The following NKAIN3 variants were observed in gnomAD, a reference collection of about 807,000 sequenced individuals.
NKAIN3 encodes the protein sodium/potassium transporting ATPase interacting 3.
NKAIN3 carries 25 observed loss-of-function variants against 30.2 expected under a neutral mutation model. The ratio of observed to expected loss-of-function variants is 0.83; its 90% CI spans 0.60 to 1.16. NKAIN3 has a LOEUF of 1.16. Ranked by LOEUF, NKAIN3 falls within the 50% of genes most tolerant of loss-of-function variation. The pLI is 0.00. For synonymous variants in NKAIN3, 91 were observed against 89.6 expected, an observed-to-expected ratio of 1.02 and a Z score of -0.09; for missense variants, 225 against 254.1, an observed-to-expected ratio of 0.89 and a Z score of 0.78.
At chr8:62,345,496 C>CATATGT (rs796865483) in intron 1 of NKAIN3, among the ~76,000 whole-genome samples, 106,562 of 117,336 alleles carry the variant, frequency 0.91, 48,761 homozygotes, top group Non-Finnish European at 0.94. Flanking sequence ...TATATACACA[C>CATATGT]ATATATACAC....
intron 1 of NKAIN3, among the ~76,000 whole-genome samples, chr8:62,311,848 C>G (rs1255129967): frequency 1.3e-5 from 2 of 150,242 alleles, no homozygotes; most frequent in Non-Finnish European, 2.9e-5. Flanking sequence ...ACTCTAAATT[C>G]CATTCTCCCA....
chr8:62,692,315 A>T (rs941009938), intron 3 of NKAIN3, among the ~76,000 whole-genome samples: 21 of 152,242 alleles, frequency 1.4e-4, no homozygotes, highest in African/African-American at 4.8e-4. Context: ...AACTTCAAAG[A>T]TAAGTAGAAG....
intron 4 of NKAIN3, among the ~76,000 whole-genome samples, chr8:62,888,232 T>C (rs973187499): frequency 6.6e-6 from 1 of 152,210 alleles, no homozygotes; most frequent in Non-Finnish European, 1.5e-5. Flanking sequence ...ATGTTTAAAA[T>C]AAAAGTTTCT....
rs827694 is a variant in NKAIN3 at position 62,572,001 on chromosome 8, G to A, written c.55-7538G>A. On this transcript the variant is annotated intron_variant, in intron 1 of 6. Transcript: ENST00000623646. Reference sequence around the variant, plus strand: ...CCCATTGTCTTGGGGATTAACATTGGGCTTCTCTTTACTTAGGCAAATTTC... The same window carrying A: ...CCCATTGTCTTGGGGATTAACATTGAGCTTCTCTTTACTTAGGCAAATTTC... Among the ~76,000 whole-genome samples the A allele has an allele frequency of 9.3e-4, 142 of 152,118 alleles. 1 individual carries two copies. The highest frequency in any genetic ancestry group is 4.0e-3 in the Admixed American group (61 of 15,272).
At chr8:62,575,662 T>C (rs760659157) in intron 1 of NKAIN3, among the ~76,000 whole-genome samples, 1 of 151,980 alleles carries the variant, frequency 6.6e-6, no homozygotes, top group Non-Finnish European at 1.5e-5. Flanking sequence ...TCCAAAGCTA[T>C]CCTTAACAAA....
intron 1 of NKAIN3, among the ~76,000 whole-genome samples, chr8:62,525,144 G>A (rs887247785): frequency 6.6e-6 from 1 of 151,652 alleles, no homozygotes; most frequent in African/African-American, 2.4e-5. Flanking sequence ...TAGTTTTAAT[G>A]GGGAAACTGT....
intron 1 of NKAIN3, among the ~76,000 whole-genome samples, chr8:62,346,619 G>T (rs1195275365): frequency 6.6e-6 from 1 of 152,046 alleles, no homozygotes; most frequent in Non-Finnish European, 1.5e-5. Flanking sequence ...TGAAGGTCTG[G>T]AAGTGGCACA....
intron 1 of NKAIN3, among the ~76,000 whole-genome samples, chr8:62,449,233 A>G (rs1265812196): frequency 6.6e-6 from 1 of 152,036 alleles, no homozygotes; most frequent in Non-Finnish European, 1.5e-5. Flanking sequence ...GGCATCATGG[A>G]AATTCCATGA....
At chr8:62,712,080 G>A (rs1814740492) in intron 3 of NKAIN3, among the ~76,000 whole-genome samples, 1 of 152,186 alleles carries the variant, frequency 6.6e-6, no homozygotes, top group East Asian at 1.9e-4. Context: ...ACAAAGTCCT[G>A]TGATGTGAAC....
In NKAIN3 at chr8:62,343,702, TC is replaced by T. The variant is rs567350330; in HGVS notation, c.54+94576del. Among the ~76,000 whole-genome samples, 28 of 152,044 alleles carry T rather than the reference TC, an allele frequency of 1.8e-4. No homozygotes were observed. In the East Asian group the frequency reaches 5.1e-3, roughly 28 times the overall value. The stretch of plus-strand genomic sequence containing the variant: ...GACACATGCCTGTAGTCCCAGCTAC[TC>T]AGGAGCCTAAGGTGGGAGAATTTCT... On this transcript the variant is annotated intron_variant, in intron 1 of 6. Transcript: ENST00000623646.
At chr8:62,830,341 C>T (rs1262178911) in intron 4 of NKAIN3, among the ~76,000 whole-genome samples, 2 of 152,004 alleles carry the variant, frequency 1.3e-5, no homozygotes, top group Non-Finnish European at 2.9e-5. Context: ...AGACTTTTCC[C>T]TTTATACTCA....
chr8:62,977,445 A>T lies in NKAIN3; in HGVS notation c.*12038A>T, dbSNP rs912103279. 6.6e-6 allele frequency among the ~76,000 whole-genome samples: 1 copy of T among 151,198 alleles called. No homozygotes were observed. Among genetic ancestry groups the T allele is most frequent in the South Asian group, 2.1e-4 (1 of 4,766 alleles). ...CTTCATGCTTTATTTCCTTAAGTTG[A>T]TCTTCAGTCTCTGATATCCTTTCTT... On this transcript the variant is annotated 3_prime_UTR_variant, in exon 7 of 7. Transcript: ENST00000623646.
intron 3 of NKAIN3, among the ~76,000 whole-genome samples, chr8:62,722,072 A>G (rs1815110583): frequency 6.6e-6 from 1 of 152,152 alleles, no homozygotes. Context: ...AATTTTGGGG[A>G]GAAAAGAGGA....
chr8:62,929,066 C>G (rs1822536657), intron 5 of NKAIN3, among the ~76,000 whole-genome samples: 1 of 152,192 alleles, frequency 6.6e-6, no homozygotes, highest in South Asian at 2.1e-4. Context: ...TGAAAAGGAG[C>G]TAAGAGGCAA....
At chr8:62,613,392 G>A (rs1008314788) in intron 3 of NKAIN3, among the ~76,000 whole-genome samples, 4 of 152,212 alleles carry the variant, frequency 2.6e-5, no homozygotes, top group Middle Eastern at 3.4e-3. Context: ...GCTGCCAGAC[G>A]TATTGGAGCT....
chr8:62,880,006 G>A (rs1038365623), intron 4 of NKAIN3, among the ~76,000 whole-genome samples: 1 of 152,184 alleles, frequency 6.6e-6, no homozygotes, highest in Non-Finnish European at 1.5e-5. Context: ...GGTGGCAGAA[G>A]CTGCTTAAAC....
At chr8:62,483,325 G>T in intron 1 of NKAIN3, 1 of 171,670 alleles carries the variant, frequency 5.8e-6, no homozygotes, top group Admixed American at 5.9e-5. Context: ...GCACACTGCG[G>T]AGGCTCTGCT....
intron 4 of NKAIN3, among the ~76,000 whole-genome samples, chr8:62,766,196 A>T (rs565156081): frequency 3.3e-5 from 5 of 152,334 alleles, no homozygotes; most frequent in Admixed American, 3.3e-4. Flanking sequence ...TTATCTGACA[A>T]CTATTAGTGG....
chr8:62,997,434 A>G (rs1197811262), intron 5 of NKAIN3, among the ~76,000 whole-genome samples: 1 of 152,182 alleles, frequency 6.6e-6, no homozygotes, highest in Non-Finnish European at 1.5e-5. Context: ...TGTTTTAATT[A>G]AAAAACTAAA....
Sources: gnomAD v4.1 joint callset for allele counts (sites outside exome capture counted in the v4.1 genomes callset) on GRCh38, gnomAD v4.1.1 for gene constraint, MANE v1.5 for transcripts, NCBI Gene and HGNC (gene_info 2026-07-23, HGNC 2026-07-21) for gene names.